SESTD1: variants seen among roughly 807,000 people sequenced by gnomAD.
The protein encoded by SESTD1 is SEC14 domain and spectrin repeat-containing protein 1.
SESTD1 carries 43 observed loss-of-function variants against 101.7 expected under a neutral mutation model. That is an observed-to-expected ratio of 0.42 (90% confidence interval 0.33 to 0.55). The LOEUF is 0.55. Ranked by LOEUF, SESTD1 falls within the 20% of genes least tolerant of loss-of-function variation. SESTD1 has a pLI of 0.07. For synonymous variants in SESTD1, 283 were observed against 286.8 expected, an observed-to-expected ratio of 0.99 and a Z score of 0.13; for missense variants, 647 against 815.1, an observed-to-expected ratio of 0.79 and a Z score of 2.51.
chr2:179,192,316 G>A (rs114930042), intron 1 of SESTD1, among the ~76,000 whole-genome samples: 347 of 152,216 alleles, frequency 2.3e-3, no homozygotes, highest in African/African-American at 4.1e-3. Context: ...ACAGCTTAAT[G>A]CCAAATATCT....
chr2:179,203,701 A>G (rs1037256025), intron 1 of SESTD1, among the ~76,000 whole-genome samples: 1 of 134,522 alleles, frequency 7.4e-6, no homozygotes, highest in African/African-American at 2.9e-5. Context: ...CTTGATTTGC[A>G]GCCAAGTCAG....
At chr2:179,227,262 T>C (rs1489309034) in intron 1 of SESTD1, among the ~76,000 whole-genome samples, 3 of 152,216 alleles carry the variant, frequency 2.0e-5, no homozygotes, top group Non-Finnish European at 2.9e-5. Flanking sequence ...TCTTAACTTT[T>C]ATTACAATAT....
chr2:179,145,549 A>G (rs1039821293), intron 8 of SESTD1, among the ~76,000 whole-genome samples: 2 of 152,248 alleles, frequency 1.3e-5, no homozygotes, highest in African/African-American at 4.8e-5. Flanking sequence ...TTCAATTGGA[A>G]AAAATTACAA....
chr2:179,103,684 A>T lies in SESTD1; in HGVS notation c.*6215T>A, dbSNP rs1309703794. 6.6e-6 allele frequency: 1 copy of T among 152,192 alleles called. No individual in the cohort carries two copies. Among genetic ancestry groups the T allele is most frequent in the Admixed American group, 6.5e-5 (1 of 15,272 alleles). 9.4% of individuals were successfully genotyped at this position (152,192 alleles called of 1,614,324 possible). On this transcript the variant is annotated 3_prime_UTR_variant, in exon 18 of 18. Transcript: ENST00000428443. ...CGTGACTCTATTTATATAAAGTTTT[A>T]GAACAGAAAAATCTTATGGTAGAAA...
At chr2:179,116,409 G>C (rs2044634317) in intron 15 of SESTD1, among the ~76,000 whole-genome samples, 1 of 152,168 alleles carries the variant, frequency 6.6e-6, no homozygotes, top group African/African-American at 2.4e-5. Flanking sequence ...TGGATGAACA[G>C]TTGGATTGCC....
intron 13 of SESTD1, among the ~76,000 whole-genome samples, chr2:179,119,322 T>C (rs1455065470): frequency 1.3e-5 from 2 of 152,032 alleles, no homozygotes; most frequent in African/African-American, 2.4e-5. Context: ...AGATGAAGGA[T>C]TTTAGGATAA....
rs1281740000 is a variant in SESTD1, at chr2:179,102,589, A to G, written c.*7310T>C. ...TATAAGGATTTACAGTAGAAGCCAAATTTCCCAGCCCTTAAAATTTTAATA... is the reference window on the plus strand; with the variant it reads ...TATAAGGATTTACAGTAGAAGCCAAGTTTCCCAGCCCTTAAAATTTTAATA... On this transcript the variant is annotated 3_prime_UTR_variant, in exon 18 of 18. Coordinates refer to ENST00000428443, the MANE Select transcript of SESTD1 (RefSeq NM_178123.5). 6.6e-6 allele frequency: 1 copy of G among 152,112 alleles called. No individual in the cohort carries two copies. The highest frequency in any genetic ancestry group is 1.5e-5 in the Non-Finnish European group (1 of 68,018). The allele number at this position is 152,112 out of a possible 1,614,324, so 9.4% of individuals were successfully genotyped here.
At position 179,102,910 on chromosome 2, in the gene SESTD1, C is replaced by T. The variant is rs993235891; in HGVS notation, c.*6989G>A. 15 of 152,086 alleles carry T rather than the reference C, an allele frequency of 9.9e-5. No homozygotes were observed. Among genetic ancestry groups the T allele is most frequent in the Non-Finnish European group, 2.2e-4 (15 of 68,004 alleles). The allele number at this position is 152,086 out of a possible 1,614,324, so 9.4% of individuals were successfully genotyped here. A position where few individuals can be genotyped will look rare whatever the true frequency, so the allele number is the denominator to read the frequency against. ...CCACCCCGTTTTCTGCTCTTCTGGC[C>T]ACCATTTGGGGGACTTCCCTGTCCA... On this transcript the variant is annotated 3_prime_UTR_variant, in exon 18 of 18. Coordinates refer to ENST00000428443, the MANE Select transcript of SESTD1 (RefSeq NM_178123.5).
intron 5 of SESTD1, among the ~76,000 whole-genome samples, chr2:179,168,537 A>T (rs983240206): frequency 6.6e-6 from 1 of 152,150 alleles, no homozygotes; most frequent in Non-Finnish European, 1.5e-5. Flanking sequence ...AAAAAAAAAA[A>T]CTTGAAAATA....
At chr2:179,240,580 A>G (rs2047137069) in intron 1 of SESTD1, among the ~76,000 whole-genome samples, 1 of 152,164 alleles carries the variant, frequency 6.6e-6, no homozygotes, top group Admixed American at 6.5e-5. Context: ...TAAAGCCCCA[A>G]CAAAAGCCGC....
intron 10 of SESTD1, among the ~76,000 whole-genome samples, chr2:179,130,708 CT>C (rs1375888856): frequency 1.3e-5 from 2 of 151,956 alleles, no homozygotes; most frequent in African/African-American, 2.4e-5. Context: ...TTTTGGAATA[CT>C]TTCATAACTA....
chr2:179,188,559 A>C (rs2046270991), intron 2 of SESTD1, among the ~76,000 whole-genome samples: 1 of 152,136 alleles, frequency 6.6e-6, no homozygotes, highest in Non-Finnish European at 1.5e-5. Context: ...GGATCGCTTA[A>C]GCTCAGGAGG....
At chr2:179,180,093 TAC>T (rs1334608507) in intron 3 of SESTD1, among the ~76,000 whole-genome samples, 1 of 152,190 alleles carries the variant, frequency 6.6e-6, no homozygotes, top group African/African-American at 2.4e-5. Context: ...CAAAATACTG[TAC>T]ACTTAGTATC....
chr2:179,227,563 G>C (rs2046906970), intron 1 of SESTD1, among the ~76,000 whole-genome samples: 1 of 151,744 alleles, frequency 6.6e-6, no homozygotes, highest in Non-Finnish European at 1.5e-5. Context: ...AGTATTTTTT[G>C]AAAGAAAAAG....
chr2:179,224,511 A>C (rs2046856233), intron 1 of SESTD1, among the ~76,000 whole-genome samples: 1 of 152,216 alleles, frequency 6.6e-6, no homozygotes, highest in South Asian at 2.1e-4. Context: ...TAAAGTGCTA[A>C]GTGTCTTTTG....
intron 1 of SESTD1, among the ~76,000 whole-genome samples, chr2:179,249,140 A>T (rs1408428614): frequency 1.3e-5 from 2 of 150,456 alleles, no homozygotes; most frequent in Non-Finnish European, 3.0e-5. Flanking sequence ...TACTTTCACC[A>T]ATCTTTTCAG....
chr2:179,256,965 T>C (rs939335325), intron 1 of SESTD1, among the ~76,000 whole-genome samples: 1 of 152,132 alleles, frequency 6.6e-6, no homozygotes, highest in African/African-American at 2.4e-5. Flanking sequence ...TAAACTTAGT[T>C]GATAAAGCAG....
At chr2:179,148,332 G>A (rs1387452515) in intron 7 of SESTD1, among the ~76,000 whole-genome samples, 1 of 152,180 alleles carries the variant, frequency 6.6e-6, no homozygotes, top group African/African-American at 2.4e-5. Flanking sequence ...TAATAATCAA[G>A]TGGCCTGAAT....
chr2:179,138,630 CA>C (rs947792132), intron 9 of SESTD1, among the ~76,000 whole-genome samples: 3 of 152,058 alleles, frequency 2.0e-5, no homozygotes, highest in African/African-American at 7.2e-5. Context: ...CAAAACTATA[CA>C]CAAAGGCATT....
Sources: allele counts gnomAD v4.1 joint callset (sites outside exome capture counted in the v4.1 genomes callset), GRCh38; gene constraint gnomAD v4.1.1; transcripts MANE v1.5; gene names NCBI Gene and HGNC (gene_info 2026-07-23, HGNC 2026-07-21).